The following PIGBOS1 variants were observed in gnomAD, a reference collection of about 807,000 sequenced individuals.
PIGBOS1 encodes the protein PIGB opposite strand 1.
chr15:55,317,507 G>A lies in PIGBOS1; in HGVS notation c.*121C>T. 3.0e-6 allele frequency: 1 copy of A among 335,296 alleles called. No homozygotes were observed. Among genetic ancestry groups the A allele is most frequent in the Non-Finnish European group, 5.4e-6 (1 of 185,498 alleles). The allele number at this position is 335,296 out of a possible 1,614,324, so 20.8% of individuals were successfully genotyped here. A position where few individuals can be genotyped will look rare whatever the true frequency, so the allele number is the denominator to read the frequency against. On this transcript the variant is annotated 3_prime_UTR_variant, in exon 2 of 2. Transcript: ENST00000436697. ...TTTTTGTATTTTCAGTAGAGACAGGGTTTCACCATGTTGGTCAGGCTGGTC... is the reference window on the plus strand; with the variant it reads ...TTTTTGTATTTTCAGTAGAGACAGGATTTCACCATGTTGGTCAGGCTGGTC...
At position 55,318,990 on chromosome 15, in the gene PIGBOS1, G is replaced by C. The variant is rs748861692; in HGVS notation, c.-202C>G. 3.2e-5 allele frequency: 14 copies of C among 441,554 alleles called. No individual in the cohort carries two copies. The Middle Eastern group carries it at 2.4e-3, about 77-fold the overall frequency. 27.4% of individuals were successfully genotyped at this position (441,554 alleles called of 1,614,324 possible). A position where few individuals can be genotyped will look rare whatever the true frequency, so the allele number is the denominator to read the frequency against. On this transcript the variant is annotated 5_prime_UTR_variant, in exon 1 of 2. Coordinates refer to ENST00000436697, the MANE Select transcript of PIGBOS1 (RefSeq NM_001308421.2). ...ACTCGCTACCGCCTGCTCCCCTCCA[G>C]AGACCGGGGGCCTTCCAGCAGTTTT...
rs1234553275 is a variant in PIGBOS1, at chr15:55,317,361, C to G, written c.*267G>C. On this transcript the variant is annotated 3_prime_UTR_variant, in exon 2 of 2. Coordinates refer to ENST00000436697, the MANE Select transcript of PIGBOS1 (RefSeq NM_001308421.2). ...ATGGAGTCTCGCTCTGTCACCCAGG[C>G]TGGAGTGCAGCAGCGTGATCTTGAC... The G allele has an allele frequency of 5.1e-6, 1 of 195,852 alleles. No individual in the cohort carries two copies. Among genetic ancestry groups the G allele is most frequent in the Admixed American group, 6.0e-5 (1 of 16,558 alleles). The allele number at this position is 195,852 out of a possible 1,614,324, so 12.1% of individuals were successfully genotyped here.
chr15:55,318,701 CA>C (rs1261744826), intron 1 of PIGBOS1, among the ~76,000 whole-genome samples, 162 bp downstream of exon 1: 53 of 96,146 alleles, frequency 5.5e-4, no homozygotes, highest in African/African-American at 2.0e-3. Flanking sequence ...AACTCCGTCT[CA>C]AAAAAAAAAA....
In PIGBOS1 at chr15:55,317,704, T is replaced by C; in HGVS notation, c.89A>G (p.Glu30Gly). Residue 30 changes from glutamate (E) to glycine (G), a missense_variant, in exon 2 of 2, where the codon GAA (glutamate) becomes GGA (glycine). Physicochemically the swap from Glu to Gly is moderately conservative, Grantham distance 98. Coordinates refer to ENST00000436697, the MANE Select transcript of PIGBOS1 (RefSeq NM_001308421.2). ...TTCCTTCTGATCTTTGGCATACTGT[T>C]CAAATACTGGTTGAAAAATATATAC... ...GGVYIFQPVF[E>G]QYAKDQKELK... 2.5e-6 allele frequency: 1 copy of C among 398,618 alleles called. No individual in the cohort carries two copies. 24.7% of individuals were successfully genotyped at this position (398,618 alleles called of 1,614,324 possible). A position where few individuals can be genotyped will look rare whatever the true frequency, so the allele number is the denominator to read the frequency against.
At chr15:55,318,453 C>T (rs2055081250) in intron 1 of PIGBOS1, among the ~76,000 whole-genome samples, 2 of 149,526 alleles carry the variant, frequency 1.3e-5, no homozygotes, top group Non-Finnish European at 3.0e-5. Flanking sequence ...GCCTGTAATC[C>T]CAACACTTTG....
At chr15:55,318,487 G>A (rs1190089082) in intron 1 of PIGBOS1, among the ~76,000 whole-genome samples, 1 of 150,002 alleles carries the variant, frequency 6.7e-6, no homozygotes, top group Non-Finnish European at 1.5e-5. Context: ...GGCGGATCAC[G>A]AGGTCAGGAG....
Position 55,317,872 on chromosome 15 carries a change from A to G in PIGBOS1, c.-75-5T>C. The G allele has an allele frequency of 2.5e-6, 1 of 393,482 alleles. No individual in the cohort carries two copies. 24.4% of individuals were successfully genotyped at this position (393,482 alleles called of 1,614,324 possible). ...ACCCAGGAAATCTCTTCAAATCTGC[A>G]TACAAAAATGGAAAGCAAAGCCATC... On this transcript the variant is annotated splice_polypyrimidine_tract_variant and splice_region_variant and intron_variant, in intron 1 of 1. Transcript: ENST00000436697.
Position 55,319,095 on chromosome 15 carries a change from A to C in PIGBOS1, c.-307T>G. The C allele has an allele frequency of 1.2e-6, 1 of 866,840 alleles. No individual in the cohort carries two copies. The highest frequency in any genetic ancestry group is 1.7e-6 in the Non-Finnish European group (1 of 587,532). 53.7% of individuals were successfully genotyped at this position (866,840 alleles called of 1,614,324 possible). A position where few individuals can be genotyped will look rare whatever the true frequency, so the allele number is the denominator to read the frequency against. On this transcript the variant is annotated 5_prime_UTR_variant, in exon 1 of 2. Coordinates refer to ENST00000436697, the MANE Select transcript of PIGBOS1 (RefSeq NM_001308421.2). The stretch of plus-strand genomic sequence containing the variant: ...TCGGAAACGGCGAAAGGAAACCGCA[A>C]GGAGGCCACCACGTCGGGTGGGAGC...
At chr15:55,318,614 T>C (rs560663745) in intron 1 of PIGBOS1, among the ~76,000 whole-genome samples, 121 of 147,742 alleles carry the variant, frequency 8.2e-4, no homozygotes, top group African/African-American at 2.8e-3. Context: ...GGCAGGAAAA[T>C]CACTGGAACC....
Position 55,317,665 on chromosome 15 carries a change from ATCTTT to A in PIGBOS1, c.123_127del (p.Glu41AspfsTer72), listed in dbSNP as rs910454900. ...CTCTTCTGATTCTTGTACCAACTGC[ATCTTT>A]TCTTTTAATTCCTTCTGATCTTTGG... On this transcript the variant is annotated frameshift_variant, in exon 2 of 2. Transcript: ENST00000436697. LOFTEE classifies it high-confidence loss of function. 14 of 398,596 alleles carry A rather than the reference ATCTTT, an allele frequency of 3.5e-5. No individual in the cohort carries two copies. The highest frequency in any genetic ancestry group is 1.6e-4 in the African/African-American group (8 of 48,740). 24.7% of individuals were successfully genotyped at this position (398,596 alleles called of 1,614,324 possible). A position where few individuals can be genotyped will look rare whatever the true frequency, so the allele number is the denominator to read the frequency against.
In PIGBOS1 at chr15:55,319,068, G is replaced by A. The variant is rs574864501; in HGVS notation, c.-280C>T. On this transcript the variant is annotated 5_prime_UTR_variant, in exon 1 of 2. Transcript: ENST00000436697. ...GCCAAAGGCGAGTAGCAATCCCTCGGTTCGGAAACGGCGAAAGGAAACCGC... is the reference window on the plus strand; with the variant it reads ...GCCAAAGGCGAGTAGCAATCCCTCGATTCGGAAACGGCGAAAGGAAACCGC... 209 of 695,274 alleles carry A rather than the reference G, an allele frequency of 3.0e-4. No homozygotes were observed. Among genetic ancestry groups the A allele is most frequent in the Non-Finnish European group, 3.6e-4 (157 of 437,520 alleles). 43.1% of individuals were successfully genotyped at this position (695,274 alleles called of 1,614,324 possible). A position where few individuals can be genotyped will look rare whatever the true frequency, so the allele number is the denominator to read the frequency against.
rs1399334793 is a variant in PIGBOS1 at position 55,317,530 on chromosome 15, G to C, written c.*98C>G. 8.4e-6 allele frequency: 3 copies of C among 356,462 alleles called. No homozygotes were observed. Among genetic ancestry groups the C allele is most frequent in the South Asian group, 1.5e-4 (1 of 6,716 alleles). 22.1% of individuals were successfully genotyped at this position (356,462 alleles called of 1,614,324 possible). On this transcript the variant is annotated 3_prime_UTR_variant, in exon 2 of 2. Transcript: ENST00000436697. Reference sequence around the variant, plus strand: ...GGGTTTCACCATGTTGGTCAGGCTGGTCTTGAACTCCTGACCACCTGATCC... The same window carrying C: ...GGGTTTCACCATGTTGGTCAGGCTGCTCTTGAACTCCTGACCACCTGATCC...
rs2055093817 is a variant in PIGBOS1, at chr15:55,318,886, G to T, written c.-98C>A. The T allele has an allele frequency of 4.9e-6, 1 of 202,970 alleles. No individual in the cohort carries two copies. The highest frequency in any genetic ancestry group is 5.7e-5 in the Admixed American group (1 of 17,500). The allele number at this position is 202,970 out of a possible 1,614,324, so 12.6% of individuals were successfully genotyped here. A position where few individuals can be genotyped will look rare whatever the true frequency, so the allele number is the denominator to read the frequency against. On this transcript the variant is annotated 5_prime_UTR_variant, in exon 1 of 2. Transcript: ENST00000436697. ...AACCTGAAATGTTAACACCAACACT[G>T]ACGTCTACAATTACCGTTACCGTTT...
At chr15:55,318,092 CT>C (rs1566943969) in intron 1 of PIGBOS1, among the ~76,000 whole-genome samples, 1 of 140,628 alleles carries the variant, frequency 7.1e-6, no homozygotes, top group Non-Finnish European at 1.5e-5. Flanking sequence ...TAAATGCATA[CT>C]TTTTCTTTTT....
rs564336257 is a variant in PIGBOS1, at chr15:55,318,553, A to C, written c.-76+311T>G. ...CCCCGTCTCTACAAAAAAACACAAA[A>C]ATTGGCCAGGCGTGGTGGCGCGCCT... On this transcript the variant is annotated intron_variant, in intron 1 of 1. Transcript: ENST00000436697. Among the ~76,000 whole-genome samples, 21 of 151,266 alleles carry C rather than the reference A, an allele frequency of 1.4e-4. No homozygotes were observed. The East Asian group carries it at 3.8e-3, about 27-fold the overall frequency.
At position 55,318,950 on chromosome 15, in the gene PIGBOS1, G is replaced by A; in HGVS notation, c.-162C>T. The A allele has an allele frequency of 2.9e-6, 1 of 344,484 alleles. No individual in the cohort carries two copies. The highest frequency in any genetic ancestry group is 5.4e-6 in the Non-Finnish European group (1 of 186,732). 21.3% of individuals were successfully genotyped at this position (344,484 alleles called of 1,614,324 possible). A position where few individuals can be genotyped will look rare whatever the true frequency, so the allele number is the denominator to read the frequency against. ...AGGTACCTCCGACTGTTCTGCGCCT[G>A]CTCCACGTCACTAAACTCGCTACCG... On this transcript the variant is annotated 5_prime_UTR_variant, in exon 1 of 2. Transcript: ENST00000436697.
rs957457925 is a variant in PIGBOS1 at position 55,317,864 on chromosome 15, A to C, written c.-72T>G. On this transcript the variant is annotated 5_prime_UTR_variant, in exon 2 of 2. Transcript: ENST00000436697. The stretch of plus-strand genomic sequence containing the variant: ...CACTCCACACCCAGGAAATCTCTTC[A>C]AATCTGCATACAAAAATGGAAAGCA... 1.5e-5 allele frequency: 6 copies of C among 394,258 alleles called. No homozygotes were observed. Among genetic ancestry groups the C allele is most frequent in the Non-Finnish European group, 2.7e-5 (6 of 223,604 alleles). 24.4% of individuals were successfully genotyped at this position (394,258 alleles called of 1,614,324 possible).
intron 1 of PIGBOS1, 132 bp from the exon 2 acceptor site, chr15:55,317,999 C>A: frequency 3.1e-6 from 1 of 326,676 alleles, no homozygotes; most frequent in Non-Finnish European, 5.5e-6. Flanking sequence ...AATATAAATA[C>A]ATAAGGAGTA....
rs186129575 is a variant in PIGBOS1, at chr15:55,317,392, G to C, written c.*236C>G. ...TGCAGCAGCGTGATCTTGACTCACT[G>C]CCACCTCTGCCTCCCAGGTTCAAGT... On this transcript the variant is annotated 3_prime_UTR_variant, in exon 2 of 2. Transcript: ENST00000436697. 56 of 216,024 alleles carry C rather than the reference G, an allele frequency of 2.6e-4. 1 individual carries two copies. Among genetic ancestry groups the C allele is most frequent in the Middle Eastern group, 1.5e-3 (1 of 664 alleles). The allele number at this position is 216,024 out of a possible 1,614,324, so 13.4% of individuals were successfully genotyped here.
Sources: gnomAD v4.1 joint callset for allele counts (sites outside exome capture counted in the v4.1 genomes callset) on GRCh38, gnomAD v4.1.1 for gene constraint, MANE v1.5 for transcripts, NCBI Gene and HGNC (gene_info 2026-07-23, HGNC 2026-07-21) for gene names.